Variants in PKHD1L1 observed in about 807,000 individuals in gnomAD.
The protein encoded by PKHD1L1 is fibrocystin-L.
Under a neutral mutation model 462.9 loss-of-function variants are expected in PKHD1L1, and 434 were observed. That is an observed-to-expected ratio of 0.94 (90% CI 0.87 to 1.02). PKHD1L1 has a LOEUF of 1.02. Ranked by LOEUF, PKHD1L1 falls within the 50% of genes least tolerant of loss-of-function variation. PKHD1L1 has a pLI of 0.00. For synonymous variants in PKHD1L1, 1,781 were observed against 1,750.0 expected (o/e 1.02, Z -0.44); for missense variants, 5,202 against 5,096.1 (o/e 1.02, Z -0.63).
At position 109,492,966 on chromosome 8, in the gene PKHD1L1, T is replaced by C. The variant is rs546779787; in HGVS notation, c.10237-695T>C. On this transcript the variant is annotated intron_variant, in intron 62 of 77. Coordinates refer to ENST00000378402, the MANE Select transcript of PKHD1L1 (RefSeq NM_177531.6). ...TTATAGCATACATTATATAAACTAGTCAATGTCTCCACTGAATCTTATGAT... is the reference window on the plus strand; with the variant it reads ...TTATAGCATACATTATATAAACTAGCCAATGTCTCCACTGAATCTTATGAT... 5.9e-5 allele frequency among the ~76,000 whole-genome samples: 9 copies of C among 151,818 alleles called. No individual in the cohort carries two copies. In the East Asian group the frequency reaches 1.5e-3, roughly 26 times the overall value.
chr8:109,514,770 A>G (rs1820176031), intron 71 of PKHD1L1, among the ~76,000 whole-genome samples: 2 of 152,112 alleles, frequency 1.3e-5, no homozygotes, highest in African/African-American at 4.8e-5. Flanking sequence ...TTTTTCTCAG[A>G]GGTAATCATT....
chr8:109,407,840 TG>T (rs1267369583), intron 17 of PKHD1L1, among the ~76,000 whole-genome samples: 1 of 152,184 alleles, frequency 6.6e-6, no homozygotes, highest in Non-Finnish European at 1.5e-5. Context: ...GCACTTTGTC[TG>T]CTTTGCTATT....
chr8:109,486,821 G>T lies in PKHD1L1; in HGVS notation c.9880G>T (p.Gly3294Ter), dbSNP rs372993231. ...CACTGAAAATATGATGACATTTAAAGGTTGGTATCAATTCAGTTTATTTTT... is the reference window on the plus strand; with the variant it reads ...CACTGAAAATATGATGACATTTAAATGTTGGTATCAATTCAGTTTATTTTT... ...SFTENMMTFK[G>*]NARISNVEFY... The change falls in exon 59 of 78, where the codon GGA becomes TGA. Residue 3294 changes from glycine to a stop codon, truncating the protein, a stop_gained and splice_region_variant. Coordinates refer to ENST00000378402, the MANE Select transcript of PKHD1L1 (RefSeq NM_177531.6). LOFTEE classifies it high-confidence loss of function. The T allele has an allele frequency of 8.7e-6, 14 of 1,610,556 alleles. No homozygotes were observed. Among genetic ancestry groups the T allele is most frequent in the Non-Finnish European group, 1.2e-5 (14 of 1,177,908 alleles).
At chr8:109,379,267 C>A (rs1811992217) in intron 2 of PKHD1L1, among the ~76,000 whole-genome samples, 1 of 152,162 alleles carries the variant, frequency 6.6e-6, no homozygotes, top group Non-Finnish European at 1.5e-5. Flanking sequence ...CGGAACTGAC[C>A]CTCCAATTAT....
intron 25 of PKHD1L1, among the ~76,000 whole-genome samples, chr8:109,428,756 A>C (rs765410081): frequency 7.9e-5 from 12 of 152,174 alleles, no homozygotes; most frequent in Non-Finnish European, 1.5e-4. Context: ...GGAGACTCCT[A>C]TCTCTTTGCT....
chr8:109,456,135 T>G, intron 45 of PKHD1L1, 127 bp from the exon 46 acceptor site: 5 of 953,978 alleles, frequency 5.2e-6, no homozygotes, highest in Non-Finnish European at 6.0e-6. Context: ...GAGAAATGTG[T>G]GAAATGCTAA....
intron 52 of PKHD1L1, 92 bp from the exon 53 acceptor site, chr8:109,477,133 C>A: frequency 8.0e-7 from 1 of 1,255,446 alleles, no homozygotes; most frequent in Non-Finnish European, 1.1e-6. Flanking sequence ...AAGTTACTAC[C>A]TAAAGAACAT....
At chr8:109,524,238 T>G (rs1343915629) in intron 76 of PKHD1L1, among the ~76,000 whole-genome samples, 1 of 152,184 alleles carries the variant, frequency 6.6e-6, no homozygotes, top group Non-Finnish European at 1.5e-5. Flanking sequence ...GAAAAGGCTA[T>G]GTAGTGGCAC....
intron 68 of PKHD1L1, 80 bp from the exon 69 acceptor site, chr8:109,507,583 T>C: frequency 8.3e-7 from 1 of 1,210,018 alleles, no homozygotes; most frequent in Non-Finnish European, 1.2e-6. Flanking sequence ...TTTTTTTGGA[T>C]ATCCTCTAAG....
At chr8:109,433,932 A>G (rs1348540798) in intron 28 of PKHD1L1, among the ~76,000 whole-genome samples, 1 of 152,210 alleles carries the variant, frequency 6.6e-6, no homozygotes, top group African/African-American at 2.4e-5. Context: ...CTATGCGGCA[A>G]TAAAAAAGGA....
chr8:109,481,469 T>G lies in PKHD1L1; in HGVS notation c.9364T>G (p.Phe3122Val). The G allele has an allele frequency of 6.2e-7, 1 of 1,600,254 alleles. No individual in the cohort carries two copies. Among genetic ancestry groups the G allele is most frequent in the Non-Finnish European group, 8.5e-7 (1 of 1,172,524 alleles). ...AATCGGTGGCTGGGAAGATAACCCT[T>G]TTAAAGGAGACTTAAAGATTGTTCT... ...RLIGGWEDNPFKGDLKIVLRG... is the reference protein window; with the variant it reads ...RLIGGWEDNPVKGDLKIVLRG... Residue 3122 changes from phenylalanine to valine, a missense_variant, in exon 56 of 78, where the codon TTT becomes GTT. Around this residue, in one of 3 missense-constraint regions of PKHD1L1, gnomAD observed 4,497 missense variants for 4,336.8 expected, o/e 1.04. Coordinates refer to ENST00000378402, the MANE Select transcript of PKHD1L1 (RefSeq NM_177531.6).
intron 2 of PKHD1L1, among the ~76,000 whole-genome samples, chr8:109,374,385 T>C (rs888505349): frequency 1.1e-4 from 16 of 152,204 alleles, no homozygotes; most frequent in African/African-American, 3.9e-4. Flanking sequence ...ATTTTGAGCC[T>C]ATGTGTGTCT....
At chr8:109,414,100 T>G (rs1306980396) in intron 21 of PKHD1L1, among the ~76,000 whole-genome samples, 4 of 152,196 alleles carry the variant, frequency 2.6e-5, no homozygotes, top group Non-Finnish European at 5.9e-5. Flanking sequence ...AATTATTTTT[T>G]GGGTTTTATT....
Position 109,518,497 on chromosome 8 carries a change from A to G in PKHD1L1, c.12020A>G (p.Asn4007Ser), listed in dbSNP as rs752217541. The G allele has an allele frequency of 8.1e-6, 13 of 1,597,610 alleles. No homozygotes were observed. The highest frequency in any genetic ancestry group is 1.0e-5 in the Non-Finnish European group (12 of 1,176,506). Residue 4007 changes from asparagine (N) to serine (S), a missense_variant, in exon 73 of 78, where the codon AAT becomes AGT. Physicochemically the swap from Asn to Ser is conservative, Grantham distance 46. Coordinates refer to ENST00000378402, the MANE Select transcript of PKHD1L1 (RefSeq NM_177531.6). Reference protein sequence around the residue: ...IGDPPIQFISNGTTGQMQLSE... With the variant: ...IGDPPIQFISSGTTGQMQLSE... ...GACCCTCCTATTCAGTTCATAAGCA[A>G]TGGCACCACAGGTATGAATAACAGG...
At chr8:109,416,584 A>G (rs1288603148) in intron 21 of PKHD1L1, among the ~76,000 whole-genome samples, 1 of 152,186 alleles carries the variant, frequency 6.6e-6, no homozygotes. Context: ...GTTCAATCCT[A>G]TGTATAAAAT....
At chr8:109,468,226 T>C (rs1019932247) in intron 50 of PKHD1L1, among the ~76,000 whole-genome samples, 1 of 152,190 alleles carries the variant, frequency 6.6e-6, no homozygotes, top group Non-Finnish European at 1.5e-5. Context: ...ACACTCCATG[T>C]TGTCAGCTTC....
At position 109,420,668 on chromosome 8, in the gene PKHD1L1, TG is replaced by T. The variant is rs754794298; in HGVS notation, c.2676del (p.Met892IlefsTer4). ...TACAATTGCAGTTACAATATACCCATGATGGCTGTGAGCTTTGGGCAGGTAA... is the reference window on the plus strand; with the variant it reads ...TACAATTGCAGTTACAATATACCCATATGGCTGTGAGCTTTGGGCAGGTAA... ...TSYNCSYNIP[M>X]MAVSFGQIIT... On this transcript the variant is annotated frameshift_variant, in exon 23 of 78. Coordinates refer to ENST00000378402, the MANE Select transcript of PKHD1L1 (RefSeq NM_177531.6). LOFTEE classifies it high-confidence loss of function. 10 of 1,586,298 alleles carry T rather than the reference TG, an allele frequency of 6.3e-6. No homozygotes were observed. The highest frequency in any genetic ancestry group is 8.6e-6 in the Non-Finnish European group (10 of 1,169,538).
Position 109,377,112 on chromosome 8 carries a change from T to C in PKHD1L1, c.164-4258T>C, listed in dbSNP as rs115170223. On this transcript the variant is annotated intron_variant, in intron 2 of 77. Transcript: ENST00000378402. ...ATTTAAAAAGCAGTTGTACCACAGA[T>C]ATCTTCTGGCAACCCCAATTCTGCC... is the stretch of plus-strand genomic sequence containing the variant. Among the ~76,000 whole-genome samples the C allele has an allele frequency of 4.5e-3, 683 of 152,360 alleles. 6 individuals are homozygous for C. The highest frequency in any genetic ancestry group is 0.015 in the African/African-American group (637 of 41,586).
chr8:109,486,058 T>C (rs1281626178), intron 58 of PKHD1L1, among the ~76,000 whole-genome samples: 1 of 151,976 alleles, frequency 6.6e-6, no homozygotes, highest in Admixed American at 6.6e-5. Context: ...GAGTAACATT[T>C]CTTAAAATGT....
Sources: gnomAD v4.1 joint callset for allele counts (sites outside exome capture counted in the v4.1 genomes callset) on GRCh38, gnomAD v4.1.1 for gene constraint, gnomAD v4.1.1 regional missense constraint, MANE v1.5 for transcripts, NCBI Gene and HGNC (gene_info 2026-07-23, HGNC 2026-07-21) for gene names.